CCDC6: variants seen among roughly 807,000 people sequenced by gnomAD.
The protein encoded by CCDC6 is coiled-coil domain-containing protein 6.
Under a neutral mutation model 56.6 loss-of-function variants are expected in CCDC6, and 20 were observed. The observed-to-expected ratio is 0.35, with a 90% CI of 0.25 to 0.51. CCDC6 has a LOEUF of 0.51. Ranked by LOEUF, CCDC6 falls within the 20% of genes least tolerant of loss-of-function variation. The pLI, the probability that CCDC6 is intolerant of heterozygous loss-of-function variation, is 0.95. For missense variants in CCDC6, 367 were observed against 601.1 expected, an observed-to-expected ratio of 0.61 and a Z score of 4.07; for synonymous variants, 241 against 234.4, an observed-to-expected ratio of 1.03 and a Z score of -0.26.
chr10:59,816,544 T>C (rs2070711061), intron 3 of CCDC6, among the ~76,000 whole-genome samples: 1 of 152,206 alleles, frequency 6.6e-6, no homozygotes, highest in African/African-American at 2.4e-5. Context: ...TAGAAAATGT[T>C]GAGAAAATTA....
intron 2 of CCDC6, among the ~76,000 whole-genome samples, chr10:59,838,727 T>A (rs955138841): frequency 2.0e-5 from 3 of 152,174 alleles, no homozygotes; most frequent in Non-Finnish European, 2.9e-5. Context: ...GTCCGGGGCT[T>A]CTAGATCACA....
chr10:59,815,531 C>A (rs1022140263), intron 3 of CCDC6, among the ~76,000 whole-genome samples: 1 of 152,022 alleles, frequency 6.6e-6, no homozygotes, highest in African/African-American at 2.4e-5. Context: ...GGGGTCAAGA[C>A]AGTAAATGAA....
At chr10:59,852,127 T>C (rs2071045315) in intron 2 of CCDC6, among the ~76,000 whole-genome samples, 1 of 152,202 alleles carries the variant, frequency 6.6e-6, no homozygotes, top group South Asian at 2.1e-4. Context: ...GATACCTTTC[T>C]ACTTCCTAAA....
chr10:59,812,497 A>G (rs1240725165), intron 5 of CCDC6, 138 bp downstream of exon 5: 1 of 560,132 alleles, frequency 1.8e-6, no homozygotes, highest in Non-Finnish European at 2.8e-6. Flanking sequence ...AGGATGATGA[A>G]CTTAAGTAAA....
At chr10:59,819,306 C>G (rs913763468) in intron 3 of CCDC6, among the ~76,000 whole-genome samples, 2 of 152,246 alleles carry the variant, frequency 1.3e-5, no homozygotes, top group Middle Eastern at 3.4e-3. Flanking sequence ...CTACAGGACT[C>G]TATATTATCT....
At chr10:59,844,762 A>C (rs5025287) in intron 2 of CCDC6, among the ~76,000 whole-genome samples, 1 of 134,014 alleles carries the variant, frequency 7.5e-6, no homozygotes, top group African/African-American at 3.0e-5. Flanking sequence ...AAAAAAAAAA[A>C]AGAGAGAGAG....
chr10:59,820,329 AC>A (rs749493152), intron 3 of CCDC6, among the ~76,000 whole-genome samples: 1 of 152,202 alleles, frequency 6.6e-6, no homozygotes, highest in Non-Finnish European at 1.5e-5. Flanking sequence ...GTTTTAGTGA[AC>A]CTTTTCAATC....
Position 59,897,356 on chromosome 10 carries a change from C to T in CCDC6, c.303+8766G>A, listed in dbSNP as rs180695521. On this transcript the variant is annotated intron_variant, in intron 1 of 8. Transcript: ENST00000263102. ...GCAACCTCCACCTCCCGGGTTCAAG[C>T]GATTCTCCTGCCTCAGCCTCCCGAG... 5.3e-5 allele frequency among the ~76,000 whole-genome samples: 8 copies of T among 151,948 alleles called. No individual in the cohort carries two copies. The South Asian group carries it at 1.0e-3, about 20-fold the overall frequency.
At chr10:59,794,946 A>G (rs2070501087) in intron 7 of CCDC6, among the ~76,000 whole-genome samples, 1 of 152,158 alleles carries the variant, frequency 6.6e-6, no homozygotes, top group Non-Finnish European at 1.5e-5. Flanking sequence ...CTCTTACACT[A>G]TATACAAAAG....
intron 2 of CCDC6, among the ~76,000 whole-genome samples, chr10:59,841,819 A>G (rs2070942374): frequency 1.3e-5 from 2 of 148,662 alleles, no homozygotes; most frequent in South Asian, 4.3e-4. Context: ...GGGCGCCTAC[A>G]ACCACGCCCG....
chr10:59,873,585 G>C (rs1017040459), intron 1 of CCDC6, among the ~76,000 whole-genome samples: 1 of 152,070 alleles, frequency 6.6e-6, no homozygotes, highest in Non-Finnish European at 1.5e-5. Flanking sequence ...GTGAAACATT[G>C]TTACAACAGC....
In CCDC6 at chr10:59,814,520, C is replaced by T. The variant is rs1237244813; in HGVS notation, c.686+132G>A. 28 of 593,942 alleles carry T rather than the reference C, an allele frequency of 4.7e-5. No homozygotes were observed. In the Middle Eastern group the frequency reaches 1.1e-3, roughly 24 times the overall value. 36.8% of individuals were successfully genotyped at this position (593,942 alleles called of 1,614,324 possible). On this transcript the variant is annotated intron_variant, in intron 4 of 8. Coordinates refer to ENST00000263102, the MANE Select transcript of CCDC6 (RefSeq NM_005436.5). ...CAGAAGGCTTTCAACATTTTTTTTC[C>T]TTTGGCCAATTAAAATGATGTGCAT...
intron 6 of CCDC6, among the ~76,000 whole-genome samples, chr10:59,805,906 T>A (rs1053460856): frequency 3.9e-5 from 6 of 152,156 alleles, no homozygotes; most frequent in Admixed American, 2.0e-4. Flanking sequence ...CATTCCATAA[T>A]AGAAACAGAG....
At chr10:59,800,282 A>G (rs2070561294) in intron 7 of CCDC6, among the ~76,000 whole-genome samples, 1 of 152,208 alleles carries the variant, frequency 6.6e-6, no homozygotes, top group South Asian at 2.1e-4. Context: ...CTGTGTGCCT[A>G]TGCATGTGTA....
chr10:59,846,164 C>T (rs1208940673), intron 2 of CCDC6, among the ~76,000 whole-genome samples: 1 of 152,018 alleles, frequency 6.6e-6, no homozygotes, highest in Non-Finnish European at 1.5e-5. Flanking sequence ...AGTAAGCATA[C>T]ACTCTAGAAA....
chr10:59,906,476 C>G lies in CCDC6; in HGVS notation c.-52G>C. 7.1e-7 allele frequency: 1 copy of G among 1,412,514 alleles called. No individual in the cohort carries two copies. Among genetic ancestry groups the G allele is most frequent in the South Asian group, 1.5e-5 (1 of 65,798 alleles). 87.5% of individuals were successfully genotyped at this position (1,412,514 alleles called of 1,614,324 possible). A position where few individuals can be genotyped will look rare whatever the true frequency, so the allele number is the denominator to read the frequency against. On this transcript the variant is annotated 5_prime_UTR_variant, in exon 1 of 9. Transcript: ENST00000263102. ...AGGAGCAGCAGGGAGGCGGCGGCGA[C>G]GAAGGCCGGGCTGCGAATGAGTGGG...
chr10:59,824,904 A>G (rs1357127463), intron 3 of CCDC6, among the ~76,000 whole-genome samples: 1 of 152,256 alleles, frequency 6.6e-6, no homozygotes, highest in Non-Finnish European at 1.5e-5. Context: ...ACTACAAAGT[A>G]TGCATGGTAG....
In CCDC6 at chr10:59,826,442, C is replaced by CA. The variant is rs550051970; in HGVS notation, c.582+6082dup. On this transcript the variant is annotated intron_variant, in intron 3 of 8. Coordinates refer to ENST00000263102, the MANE Select transcript of CCDC6 (RefSeq NM_005436.5). ...TCCTGCATCAATCTCAGAGCAGCTG[C>CA]AGGCATTCTCTGCTGGCTAGGGGGC... 2.5e-3 allele frequency among the ~76,000 whole-genome samples: 378 copies of CA among 152,312 alleles called. 4 individuals carry two copies. The highest frequency in any genetic ancestry group is 8.8e-3 in the African/African-American group (365 of 41,564).
intron 1 of CCDC6, among the ~76,000 whole-genome samples, chr10:59,890,506 T>C (rs977379154): frequency 9.2e-5 from 14 of 152,154 alleles, no homozygotes; most frequent in Non-Finnish European, 1.3e-4. Context: ...AGCAAATCTA[T>C]AATCATTGAA....
Sources: allele counts gnomAD v4.1 joint callset (sites outside exome capture counted in the v4.1 genomes callset), GRCh38; gene constraint gnomAD v4.1.1; transcripts MANE v1.5; gene names NCBI Gene and HGNC (gene_info 2026-07-23, HGNC 2026-07-21).